RBFOX1: variants seen among roughly 807,000 people sequenced by gnomAD.
The protein encoded by RBFOX1 is RNA binding protein fox-1 homolog 1.
A neutral mutation model predicts 57.7 loss-of-function variants in RBFOX1; 8 were observed. That is an observed-to-expected ratio of 0.14 (90% CI 0.08 to 0.25). The LOEUF (loss-of-function observed/expected upper bound fraction) is 0.25. Ranked by LOEUF, RBFOX1 falls within the 10% of genes least tolerant of loss-of-function variation. The pLI, the probability that RBFOX1 is intolerant of heterozygous loss-of-function variation, is 1.00. For missense variants in RBFOX1, 611 were observed against 548.5 expected (o/e 1.11, Z -1.14); for synonymous variants, 326 against 222.4 (o/e 1.47, Z -4.15).
At chr16:6,983,228 C>G in intron 3 of RBFOX1, among the ~76,000 whole-genome samples, 1 of 152,054 alleles carries the variant, frequency 6.6e-6, no homozygotes, top group East Asian at 1.9e-4. Context: ...CCGCTTTATC[C>G]TCTTGGTGAT....
intron 2 of RBFOX1, among the ~76,000 whole-genome samples, chr16:6,636,164 T>C (rs1488130286): frequency 2.0e-5 from 3 of 152,112 alleles, no homozygotes; most frequent in Non-Finnish European, 2.9e-5. Flanking sequence ...TTGGGGGCAC[T>C]TGGATTTGGG....
At chr16:7,702,216 A>G (rs1295594004) in intron 14 of RBFOX1, among the ~76,000 whole-genome samples, 1 of 152,236 alleles carries the variant, frequency 6.6e-6, no homozygotes, top group Non-Finnish European at 1.5e-5. Context: ...TGGCATGAAG[A>G]TAAGAGACTG....
intron 4 of RBFOX1, among the ~76,000 whole-genome samples, chr16:7,272,105 C>G (rs1401390369): frequency 1.3e-5 from 2 of 152,154 alleles, no homozygotes; most frequent in East Asian, 3.9e-4. Flanking sequence ...TTGTAAGACC[C>G]CAAATGCTCC....
chr16:6,930,267 A>G (rs1392535361), intron 3 of RBFOX1, among the ~76,000 whole-genome samples: 10 of 152,234 alleles, frequency 6.6e-5, no homozygotes, highest in Admixed American at 1.3e-4. Flanking sequence ...CGAGCAGAGG[A>G]TTTGAATAGA....
chr16:7,216,542 A>G (rs1247771695), intron 4 of RBFOX1, among the ~76,000 whole-genome samples: 1 of 152,154 alleles, frequency 6.6e-6, no homozygotes. Context: ...CTTAAATATA[A>G]TGATAGGAGT....
chr16:6,901,706 A>G (rs552361848), intron 3 of RBFOX1, among the ~76,000 whole-genome samples: 174 of 152,214 alleles, frequency 1.1e-3, no homozygotes, highest in Non-Finnish European at 1.7e-3. Flanking sequence ...ATAATTTGTT[A>G]CATGGAAGCT....
Position 6,846,692 on chromosome 16 carries a change from G to T in RBFOX1, c.-16+192042G>T, listed in dbSNP as rs546069667. ...CCAATAAAATTTCATGAATGGTAAC[G>T]TTCGCCAGTATCCGGGAGAATAAGG... On this transcript the variant is annotated intron_variant, in intron 3 of 15. Coordinates refer to ENST00000550418, the MANE Select transcript of RBFOX1 (RefSeq NM_018723.4). Among the ~76,000 whole-genome samples, 7 of 152,272 alleles carry T rather than the reference G, an allele frequency of 4.6e-5. No individual in the cohort carries two copies. The South Asian group carries it at 8.3e-4, about 18-fold the overall frequency.
At chr16:5,320,558 C>T (rs986326550) in intron 1 of RBFOX1, among the ~76,000 whole-genome samples, 1 of 152,336 alleles carries the variant, frequency 6.6e-6, no homozygotes, top group East Asian at 1.9e-4. Flanking sequence ...CACAGAGCTG[C>T]CATGTTTTCT....
At chr16:5,737,943 G>A (rs1293209036) in intron 3 of RBFOX1, among the ~76,000 whole-genome samples, 1 of 152,024 alleles carries the variant, frequency 6.6e-6, no homozygotes, top group Non-Finnish European at 1.5e-5. Flanking sequence ...TGCCACAGTG[G>A]CTGGCTGCAC....
At chr16:6,937,706 T>A (rs1245330881) in intron 3 of RBFOX1, among the ~76,000 whole-genome samples, 2 of 152,096 alleles carry the variant, frequency 1.3e-5, no homozygotes, top group Non-Finnish European at 2.9e-5. Flanking sequence ...AAAGAGTTAT[T>A]ATCGATAGAA....
intron 2 of RBFOX1, among the ~76,000 whole-genome samples, chr16:6,507,950 C>T (rs1001028303): frequency 2.6e-5 from 4 of 152,068 alleles, no homozygotes; most frequent in African/African-American, 9.7e-5. Context: ...ATAGCAAAGA[C>T]ATGGAATCAA....
chr16:7,048,469 C>T (rs939932959), intron 3 of RBFOX1, among the ~76,000 whole-genome samples: 1 of 151,768 alleles, frequency 6.6e-6, no homozygotes, highest in South Asian at 2.1e-4. Context: ...TCGTATTAGC[C>T]AGGATGGTCT....
At chr16:5,665,240 T>G (rs2049801689) in intron 3 of RBFOX1, among the ~76,000 whole-genome samples, 1 of 151,936 alleles carries the variant, frequency 6.6e-6, no homozygotes, top group South Asian at 2.1e-4. Context: ...CAGGAGCCAC[T>G]GCTTCTGGCC....
intron 11 of RBFOX1, among the ~76,000 whole-genome samples, chr16:7,652,310 G>T (rs941140141): frequency 8.5e-5 from 13 of 152,174 alleles, no homozygotes; most frequent in African/African-American, 3.1e-4. Context: ...AGTTATCAGG[G>T]GGCTGGGGTA....
chr16:6,800,075 A>G (rs765247814), intron 3 of RBFOX1, among the ~76,000 whole-genome samples: 1 of 152,194 alleles, frequency 6.6e-6, no homozygotes, highest in African/African-American at 2.4e-5. Context: ...TCATGGTGTC[A>G]GTAAACTGTC....
chr16:7,192,104 A>AT (rs2085536305), intron 4 of RBFOX1, among the ~76,000 whole-genome samples: 1 of 152,138 alleles, frequency 6.6e-6, no homozygotes, highest in South Asian at 2.1e-4. Flanking sequence ...AGAAAGGGGG[A>AT]TAAAAAAAGA....
chr16:6,919,325 T>C (rs542468750), intron 3 of RBFOX1, among the ~76,000 whole-genome samples: 1 of 152,318 alleles, frequency 6.6e-6, no homozygotes, highest in African/African-American at 2.4e-5. Context: ...CTATTTATCC[T>C]GTTTACATGT....
chr16:7,169,828 GGCAGGGCCAAA>G (rs1470464551), intron 4 of RBFOX1, among the ~76,000 whole-genome samples: 1 of 18,996 alleles, frequency 5.3e-5, no homozygotes, highest in Non-Finnish European at 8.3e-5. Context: ...CCTGCACTTT[GGCAGGGCCAAA>G]GCAGGCTGAT....
At chr16:7,135,656 A>T (rs567284911) in intron 4 of RBFOX1, among the ~76,000 whole-genome samples, 4 of 152,364 alleles carry the variant, frequency 2.6e-5, no homozygotes, top group Admixed American at 6.5e-5. Flanking sequence ...CCTGAAGAAT[A>T]TTGAGGATTA....
Sources: allele counts gnomAD v4.1 joint callset (sites outside exome capture counted in the v4.1 genomes callset), GRCh38; gene constraint gnomAD v4.1.1; transcripts MANE v1.5; gene names NCBI Gene and HGNC (gene_info 2026-07-23, HGNC 2026-07-21).